Variants in ARHGAP42 observed in about 807,000 individuals in gnomAD.
ARHGAP42 encodes the protein Rho GTPase activating protein 42, also known as rho GTPase-activating protein 42.
ARHGAP42 carries 63 observed loss-of-function variants against 125.0 expected under a neutral mutation model. That is an observed-to-expected ratio of 0.50 (90% CI 0.41 to 0.62). ARHGAP42 has a LOEUF of 0.62. Among genes scored for constraint, ARHGAP42 ranks in the 20% least tolerant of loss-of-function variants. The pLI is 0.00. For synonymous variants in ARHGAP42, 339 were observed against 351.0 expected (o/e 0.97, Z 0.38); for missense variants, 766 against 1,024.2 (o/e 0.75, Z 3.44).
intron 1 of ARHGAP42, among the ~76,000 whole-genome samples, chr11:100,757,026 A>T (rs544779761): frequency 1.3e-5 from 2 of 152,348 alleles, no homozygotes; most frequent in African/African-American, 2.4e-5. Context: ...AAAGACATTT[A>T]TGGATTTTTA....
At chr11:100,705,128 G>T (rs1335591717) in intron 1 of ARHGAP42, among the ~76,000 whole-genome samples, 7 of 151,576 alleles carry the variant, frequency 4.6e-5, no homozygotes, top group Non-Finnish European at 8.8e-5. Flanking sequence ...TTGTACTTCT[G>T]TCAGGATATA....
intron 7 of ARHGAP42, among the ~76,000 whole-genome samples, chr11:100,935,806 G>A (rs594985): frequency 0.89 from 134,907 of 152,166 alleles, 59,893 homozygotes; most frequent in East Asian, 1. Flanking sequence ...AATACTGCCA[G>A]AAGAATCAAG....
intron 3 of ARHGAP42, among the ~76,000 whole-genome samples, chr11:100,813,454 T>C (rs1398213841): frequency 6.6e-6 from 1 of 152,218 alleles, no homozygotes; most frequent in African/African-American, 2.4e-5. Context: ...GCATTTTCTT[T>C]TGGACATGTT....
chr11:100,876,330 G>C (rs922390431), intron 4 of ARHGAP42, among the ~76,000 whole-genome samples: 2 of 152,102 alleles, frequency 1.3e-5, no homozygotes, highest in Non-Finnish European at 2.9e-5. Context: ...CTATAGCTTA[G>C]CACACAAGCA....
At chr11:100,962,936 G>A (rs1591325324) in intron 16 of ARHGAP42, among the ~76,000 whole-genome samples, 1 of 152,266 alleles carries the variant, frequency 6.6e-6, no homozygotes. Context: ...ATGTGTTTTA[G>A]AAGCCAATAA....
chr11:100,789,807 A>T (rs1193313903), intron 2 of ARHGAP42, among the ~76,000 whole-genome samples: 1 of 152,156 alleles, frequency 6.6e-6, no homozygotes, highest in Admixed American at 6.6e-5. Flanking sequence ...TGCTGTTGAC[A>T]TTATTGTATA....
intron 1 of ARHGAP42, among the ~76,000 whole-genome samples, chr11:100,765,143 C>T (rs1365206550): frequency 6.6e-6 from 1 of 152,062 alleles, no homozygotes; most frequent in African/African-American, 2.4e-5. Flanking sequence ...AGTACCTTAG[C>T]TTGGTAGGAG....
chr11:100,961,367 C>G (rs570468571), intron 14 of ARHGAP42, among the ~76,000 whole-genome samples: 1 of 152,180 alleles, frequency 6.6e-6, no homozygotes, highest in South Asian at 2.1e-4. Flanking sequence ...GTACCTGCCT[C>G]TTAAGAGTTG....
intron 4 of ARHGAP42, among the ~76,000 whole-genome samples, chr11:100,879,554 T>C (rs546417036): frequency 4.6e-5 from 7 of 152,344 alleles, no homozygotes; most frequent in African/African-American, 1.7e-4. Flanking sequence ...GGGTTTCTCT[T>C]GGGACAGAAG....
At chr11:100,746,433 C>T (rs568856547) in intron 1 of ARHGAP42, among the ~76,000 whole-genome samples, 11 of 152,312 alleles carry the variant, frequency 7.2e-5, no homozygotes, top group Admixed American at 7.2e-4. Flanking sequence ...TGGAGGACCA[C>T]CCTAGTGGAA....
At chr11:100,838,060 AGTCT>A (rs554213020) in intron 3 of ARHGAP42, among the ~76,000 whole-genome samples, 3 of 151,428 alleles carry the variant, frequency 2.0e-5, no homozygotes, top group Admixed American at 1.3e-4. Context: ...TCAGTTCCTG[AGTCT>A]GTCTGTCTGT....
At position 100,920,630 on chromosome 11, in the gene ARHGAP42, A is replaced by G. The variant is rs141295006; in HGVS notation, c.487-864A>G. Among the ~76,000 whole-genome samples, 296 of 152,266 alleles carry G rather than the reference A, an allele frequency of 1.9e-3. 3 individuals carry two copies. Among genetic ancestry groups the G allele is most frequent in the Middle Eastern group, 3.4e-3 (1 of 294 alleles). On this transcript the variant is annotated intron_variant, in intron 5 of 23. Coordinates refer to ENST00000298815, the MANE Select transcript of ARHGAP42 (RefSeq NM_152432.4). Reference sequence around the variant, plus strand: ...TCTGCTAAGCTAAAGTCACTTTTTAAAGAGTGCATCTGAGGGCAATAGGCA... The same window carrying G: ...TCTGCTAAGCTAAAGTCACTTTTTAGAGAGTGCATCTGAGGGCAATAGGCA...
At chr11:100,981,385 C>G (rs907087216) in intron 22 of ARHGAP42, among the ~76,000 whole-genome samples, 2 of 152,162 alleles carry the variant, frequency 1.3e-5, no homozygotes, top group African/African-American at 4.8e-5. Context: ...AACTGAATGA[C>G]TCATAGAAGT....
intron 3 of ARHGAP42, among the ~76,000 whole-genome samples, chr11:100,829,622 G>T (rs1311631643): frequency 6.6e-6 from 1 of 152,144 alleles, no homozygotes; most frequent in African/African-American, 2.4e-5. Flanking sequence ...ATTGTTCAGT[G>T]ATAGAAATTA....
At chr11:100,799,741 G>A (rs1246867436) in intron 3 of ARHGAP42, among the ~76,000 whole-genome samples, 1 of 152,196 alleles carries the variant, frequency 6.6e-6, no homozygotes, top group Non-Finnish European at 1.5e-5. Context: ...TTAAAGAATA[G>A]AAGAAAATGT....
Position 100,851,764 on chromosome 11 carries a change from C to T in ARHGAP42, c.313-7790C>T, listed in dbSNP as rs117040633. On this transcript the variant is annotated intron_variant, in intron 3 of 23. Coordinates refer to ENST00000298815, the MANE Select transcript of ARHGAP42 (RefSeq NM_152432.4). ...AACACATGCCCATTGTTAAGCAATG[C>T]GTAATTACGTATTTGGCTCCAGGCA... is the stretch of plus-strand genomic sequence containing the variant. Among the ~76,000 whole-genome samples the T allele has an allele frequency of 1.6e-3, 244 of 152,220 alleles. 5 individuals are homozygous for T. In the East Asian group the frequency reaches 0.042, roughly 26 times the overall value.
chr11:100,697,653 T>G (rs1271878017), intron 1 of ARHGAP42, among the ~76,000 whole-genome samples: 1 of 152,114 alleles, frequency 6.6e-6, no homozygotes, highest in Non-Finnish European at 1.5e-5. Flanking sequence ...ACAGGAAAAG[T>G]GATGATTTAA....
intron 12 of ARHGAP42, 88 bp from the exon 13 acceptor site, chr11:100,959,795 A>T: frequency 8.2e-7 from 1 of 1,220,670 alleles, no homozygotes. Flanking sequence ...TCTACTGTTG[A>T]GTCATAAAGG....
At chr11:100,952,201 C>T (rs1035693062) in intron 12 of ARHGAP42, among the ~76,000 whole-genome samples, 10 of 151,754 alleles carry the variant, frequency 6.6e-5, no homozygotes, top group Non-Finnish European at 1.2e-4. Flanking sequence ...AAGTCGTTTT[C>T]ACTTTATTTT....
Sources: allele counts gnomAD v4.1 joint callset (sites outside exome capture counted in the v4.1 genomes callset), GRCh38; gene constraint gnomAD v4.1.1; transcripts MANE v1.5; gene names NCBI Gene and HGNC (gene_info 2026-07-23, HGNC 2026-07-21).